The following IL1RL1 variants were observed in gnomAD, a reference collection of about 807,000 sequenced individuals.
The protein encoded by IL1RL1 is interleukin-1 receptor-like 1.
Under a neutral mutation model 50.9 loss-of-function variants are expected in IL1RL1, and 32 were observed. The observed-to-expected ratio is 0.63, with a 90% confidence interval of 0.47 to 0.84. The LOEUF (loss-of-function observed/expected upper bound fraction) is 0.84, where lower values mean the gene tolerates loss of function less well. IL1RL1 is among the 40% of genes least tolerant of loss of function. The probability of loss-of-function intolerance (pLI) is 0.00; values close to 1 mark genes in which losing one functional copy is unlikely to be tolerated. For missense variants in IL1RL1, 773 were observed against 662.9 expected, an observed-to-expected ratio of 1.17 and a Z score of -1.82; for synonymous variants, 275 against 236.0, an observed-to-expected ratio of 1.17 and a Z score of -1.51.
chr2:102,336,692 T>C (rs1459689651), intron 1 of IL1RL1, among the ~76,000 whole-genome samples: 1 of 152,130 alleles, frequency 6.6e-6, no homozygotes, highest in Non-Finnish European at 1.5e-5. Context: ...AAAGCTCCTT[T>C]TTTTTTTTCT....
Position 102,349,147 on chromosome 2 carries a change from C to A in IL1RL1, c.1186C>A (p.Arg396Ser). Residue 396 changes from arginine to serine, a missense_variant, in exon 10 of 11, where the codon CGT becomes AGT. By Grantham distance (110) the Arg-to-Ser change is moderately radical. Transcript: ENST00000233954. Reference protein sequence around the residue: ...NYKSSTDGASRVEHFVHQILP... With the variant: ...NYKSSTDGASSVEHFVHQILP... ...CAAATCCAGTACAGATGGGGCCAGTCGTGTAGAGCACTTTGTTCACCAGAT... is the reference window on the plus strand; with the variant it reads ...CAAATCCAGTACAGATGGGGCCAGTAGTGTAGAGCACTTTGTTCACCAGAT... 6.2e-7 allele frequency: 1 copy of A among 1,612,792 alleles called. No individual in the cohort carries two copies. The highest frequency in any genetic ancestry group is 8.5e-7 in the Non-Finnish European group (1 of 1,178,868).
chr2:102,319,845 T>C lies in IL1RL1; in HGVS notation c.-150+8222T>C, dbSNP rs1649090257. On this transcript the variant is annotated intron_variant, in intron 1 of 10. Coordinates refer to ENST00000233954, the MANE Select transcript of IL1RL1 (RefSeq NM_016232.5). ...CTGGGACCATGGGCATGTGCCATCA[T>C]GGCAGACTAATTTTTAAATTTTTTG... Among the ~76,000 whole-genome samples, 4 of 152,118 alleles carry C rather than the reference T, an allele frequency of 2.6e-5. No homozygotes were observed. In the South Asian group the frequency reaches 8.3e-4, roughly 32 times the overall value.
intron 8 of IL1RL1, among the ~76,000 whole-genome samples, chr2:102,346,723 C>T (rs553618153): frequency 2.4e-4 from 36 of 152,216 alleles, no homozygotes; most frequent in African/African-American, 7.9e-4. Context: ...CACTTTTTCC[C>T]CCCAATTTTG....
At position 102,341,049 on chromosome 2, in the gene IL1RL1, G is replaced by A. The variant is rs552034128; in HGVS notation, c.610+221G>A. 6 of 666,032 alleles carry A rather than the reference G, an allele frequency of 9.0e-6. No individual in the cohort carries two copies. The East Asian group carries it at 1.6e-4, about 18-fold the overall frequency. The allele number at this position is 666,032 out of a possible 1,614,324, so 41.3% of individuals were successfully genotyped here. A position where few individuals can be genotyped will look rare whatever the true frequency, so the allele number is the denominator to read the frequency against. On this transcript the variant is annotated intron_variant, in intron 5 of 10. Coordinates refer to ENST00000233954, the MANE Select transcript of IL1RL1 (RefSeq NM_016232.5). The stretch of plus-strand genomic sequence containing the variant: ...GGGGAAATTACATTACTAATTCAAA[G>A]CCACATCTGTTCTTTATTCTTTTTT...
chr2:102,316,992 A>G (rs1330956398), intron 1 of IL1RL1, among the ~76,000 whole-genome samples: 3 of 152,160 alleles, frequency 2.0e-5, no homozygotes, highest in Admixed American at 6.5e-5. Context: ...TTTCCATTGA[A>G]TGATGTTTTC....
chr2:102,349,342 T>G (rs768801677), intron 10 of IL1RL1, 96 bp downstream of exon 10: 3 of 940,344 alleles, frequency 3.2e-6, no homozygotes, highest in Non-Finnish European at 5.1e-6. Flanking sequence ...TGAATTGCAT[T>G]TACTACCACA....
intron 1 of IL1RL1, among the ~76,000 whole-genome samples, chr2:102,314,498 G>A (rs1265802785): frequency 6.6e-6 from 1 of 152,172 alleles, no homozygotes; most frequent in South Asian, 2.1e-4. Context: ...AAGAAGACTT[G>A]ATAACTTATC....
rs1677632551 is a variant in IL1RL1 at position 102,343,049 on chromosome 2, C to T, written c.696C>T (p.Asn232=). 2 of 1,613,844 alleles carry T rather than the reference C, an allele frequency of 1.2e-6. No individual in the cohort carries two copies. Among genetic ancestry groups the T allele is most frequent in the South Asian group, 1.1e-5 (1 of 91,056 alleles). The change falls in exon 7 of 11, where the codon AAC becomes AAT. Residue 232 remains asparagine (N), a synonymous_variant. Coordinates refer to ENST00000233954, the MANE Select transcript of IL1RL1 (RefSeq NM_016232.5). The part of the protein sequence containing the change: ...IKEVEIGKNA[N]LTCSACFGKG... ...ACTCCCCTCTAGGAAAAAACGCAAA[C>T]CTAACTTGCTCTGCTTGTTTTGGAA...
Position 102,340,719 on chromosome 2 carries a change from C to T in IL1RL1, c.501C>T (p.Val167=), listed in dbSNP as rs763273592. 3.1e-6 allele frequency: 5 copies of T among 1,599,640 alleles called. No homozygotes were observed. The highest frequency in any genetic ancestry group is 2.3e-5 in the East Asian group (1 of 44,160). The change falls in exon 5 of 11, where the codon GTC becomes GTT. Residue 167 remains valine (V), a synonymous_variant. Coordinates refer to ENST00000233954, the MANE Select transcript of IL1RL1 (RefSeq NM_016232.5). ...ACAGGGCGCACAAGTCATTTTTGGT[C>T]ATTGATAATGTGATGACTGAGGACG... ...SRYRAHKSFL[V]IDNVMTEDAG... is the part of the protein sequence containing the mutation.
intron 1 of IL1RL1, among the ~76,000 whole-genome samples, chr2:102,326,545 G>T (rs558382511): frequency 1.3e-5 from 2 of 152,104 alleles, no homozygotes; most frequent in Non-Finnish European, 1.5e-5. Flanking sequence ...CCAATTAAAA[G>T]ACACAGACTG....
At position 102,326,790 on chromosome 2, in the gene IL1RL1, A is replaced by G. The variant is rs139162667; in HGVS notation, c.-149-11326A>G. ...AAATAATGGTAAAGGGATCAATTCA[A>G]CAAGAAGAGCTAACTATCCTAAATA... is the stretch of plus-strand genomic sequence containing the variant. On this transcript the variant is annotated intron_variant, in intron 1 of 10. Transcript: ENST00000233954. Among the ~76,000 whole-genome samples, 484 of 152,360 alleles carry G rather than the reference A, an allele frequency of 3.2e-3. 3 individuals are homozygous for G. The East Asian group carries it at 0.032, about 10-fold the overall frequency.
chr2:102,336,102 C>T (rs139965107), intron 1 of IL1RL1, among the ~76,000 whole-genome samples: 4 of 152,296 alleles, frequency 2.6e-5, no homozygotes, highest in African/African-American at 7.2e-5. Flanking sequence ...GGAGCAAAGA[C>T]GCTGGCTCAA....
At chr2:102,315,289 T>C (rs1302886835) in intron 1 of IL1RL1, among the ~76,000 whole-genome samples, 1 of 147,686 alleles carries the variant, frequency 6.8e-6, no homozygotes, top group Non-Finnish European at 1.5e-5. Flanking sequence ...CCACTCTCCC[T>C]GTCTACCCAC....
At chr2:102,352,197 T>C (rs1383956961), downstream of IL1RL1, among the ~76,000 whole-genome samples, 4 of 150,002 alleles carry the variant, frequency 2.7e-5, no homozygotes, top group Non-Finnish European at 5.9e-5. Flanking sequence ...ATGTTTTCAC[T>C]ACTCTTTTTT....
chr2:102,341,319 CTTTG>C, intron 5 of IL1RL1: 1 of 1,240,636 alleles, frequency 8.1e-7, no homozygotes. Flanking sequence ...GGTTTTTAAT[CTTTG>C]TTTGCAATAC....
intron 8 of IL1RL1, among the ~76,000 whole-genome samples, chr2:102,346,487 C>T (rs1459470103): frequency 3.3e-5 from 5 of 152,176 alleles, no homozygotes; most frequent in Admixed American, 6.5e-5. Flanking sequence ...TTCACACTTA[C>T]GAAGACTTCC....
intron 1 of IL1RL1, among the ~76,000 whole-genome samples, chr2:102,328,546 G>T (rs147942651): frequency 0.12 from 18,758 of 152,126 alleles, 1,435 homozygotes; most frequent in African/African-American, 0.2. Context: ...TATTCAATTA[G>T]GAAAAGAGGA....
At chr2:102,348,323 A>T (rs1677838001) in intron 9 of IL1RL1, among the ~76,000 whole-genome samples, 1 of 152,136 alleles carries the variant, frequency 6.6e-6, no homozygotes, top group Non-Finnish European at 1.5e-5. Context: ...TTCTTCCCCG[A>T]TAGGATTGCT....
At chr2:102,351,363 A>G (rs1677924728) in intron 10 of IL1RL1, among the ~76,000 whole-genome samples, 173 bp from the exon 11 acceptor site, 1 of 152,194 alleles carries the variant, frequency 6.6e-6, no homozygotes, top group Non-Finnish European at 1.5e-5. Flanking sequence ...TGAAAGGAAC[A>G]CAAAGAACAA....
Sources: allele counts gnomAD v4.1 joint callset (sites outside exome capture counted in the v4.1 genomes callset), GRCh38; gene constraint gnomAD v4.1.1; transcripts MANE v1.5; gene names NCBI Gene and HGNC (gene_info 2026-07-23, HGNC 2026-07-21).